AUTS2: variants seen among roughly 807,000 people sequenced by gnomAD.
AUTS2 encodes activator of transcription and developmental regulator AUTS2.
Under a neutral mutation model 112.4 loss-of-function variants are expected in AUTS2, and 17 were observed. The observed-to-expected ratio is 0.15, with a 90% confidence interval of 0.10 to 0.23. The LOEUF (loss-of-function observed/expected upper bound fraction) is 0.23, where lower values mean the gene tolerates loss of function less well. Among genes scored for constraint, AUTS2 ranks in the 10% least tolerant of loss-of-function variants. The pLI, the probability that AUTS2 is intolerant of heterozygous loss-of-function variation, is 1.00. For synonymous variants in AUTS2, 751 were observed against 702.7 expected, an observed-to-expected ratio of 1.07 and a Z score of -1.09; for missense variants, 1,510 against 1,701.6, an observed-to-expected ratio of 0.89 and a Z score of 1.98.
intron 2 of AUTS2, among the ~76,000 whole-genome samples, chr7:70,018,130 G>A (rs1257296033): frequency 6.6e-6 from 1 of 151,892 alleles, no homozygotes; most frequent in East Asian, 1.9e-4. Context: ...CACTTTAGTT[G>A]GCATATTTGA....
chr7:70,126,282 G>A (rs541789209), intron 3 of AUTS2, among the ~76,000 whole-genome samples: 1 of 152,222 alleles, frequency 6.6e-6, no homozygotes, highest in African/African-American at 2.4e-5. Flanking sequence ...TTAGCTGGAC[G>A]TGGTGGAGCA....
At chr7:70,392,676 A>T (rs563602156) in intron 4 of AUTS2, among the ~76,000 whole-genome samples, 1 of 152,206 alleles carries the variant, frequency 6.6e-6, no homozygotes, top group Non-Finnish European at 1.5e-5. Context: ...TTGAAAACCA[A>T]CTGATGCATA....
chr7:70,577,569 T>C (rs910261215), intron 5 of AUTS2, among the ~76,000 whole-genome samples: 1 of 152,186 alleles, frequency 6.6e-6, no homozygotes, highest in Non-Finnish European at 1.5e-5. Context: ...AGCTACTTAA[T>C]TGATAAATTG....
At chr7:69,820,241 CACTT>C (rs1790930801) in intron 1 of AUTS2, among the ~76,000 whole-genome samples, 1 of 152,212 alleles carries the variant, frequency 6.6e-6, no homozygotes, top group Admixed American at 6.5e-5. Context: ...AATCCCCCAA[CACTT>C]ACTCTCTGCC....
chr7:69,726,293 A>T (rs1786509909), intron 1 of AUTS2, among the ~76,000 whole-genome samples: 1 of 152,216 alleles, frequency 6.6e-6, no homozygotes, highest in South Asian at 2.1e-4. Context: ...ATGGAATTAT[A>T]CAAGTATGTG....
chr7:70,331,689 G>A (rs969358547), intron 4 of AUTS2, among the ~76,000 whole-genome samples: 3 of 151,948 alleles, frequency 2.0e-5, no homozygotes, highest in Non-Finnish European at 4.4e-5. Flanking sequence ...AAACATAATC[G>A]ATCATATAAA....
chr7:70,731,453 A>G (rs1787386148), intron 6 of AUTS2, among the ~76,000 whole-genome samples: 3 of 93,638 alleles, frequency 3.2e-5, no homozygotes, highest in African/African-American at 8.1e-5. Flanking sequence ...TTTTTGAGAC[A>G]GAGTCTCGCT....
intron 5 of AUTS2, among the ~76,000 whole-genome samples, chr7:70,668,639 T>G (rs1279803544): frequency 6.6e-6 from 1 of 152,242 alleles, no homozygotes; most frequent in African/African-American, 2.4e-5. Context: ...CCTCCCAGGC[T>G]GTCCCCAAGT....
intron 4 of AUTS2, among the ~76,000 whole-genome samples, chr7:70,270,396 T>C (rs1009399520): frequency 1.3e-5 from 2 of 152,074 alleles, no homozygotes; most frequent in Non-Finnish European, 2.9e-5. Flanking sequence ...CAAAGGTATG[T>C]GGAAAAATTG....
intron 2 of AUTS2, among the ~76,000 whole-genome samples, chr7:70,108,354 T>C (rs1402210850): frequency 6.6e-6 from 1 of 152,190 alleles, no homozygotes; most frequent in Non-Finnish European, 1.5e-5. Flanking sequence ...AGTAAATATA[T>C]GGGTTAGAGA....
At chr7:70,656,105 A>G (rs1317662494) in intron 5 of AUTS2, among the ~76,000 whole-genome samples, 2 of 151,846 alleles carry the variant, frequency 1.3e-5, no homozygotes, top group Non-Finnish European at 2.9e-5. Context: ...AATAATATTT[A>G]TATTTCCAGA....
chr7:70,644,528 C>T (rs1159466443), intron 5 of AUTS2, among the ~76,000 whole-genome samples: 1 of 152,186 alleles, frequency 6.6e-6, no homozygotes, highest in East Asian at 1.9e-4. Flanking sequence ...CATCGTCTCG[C>T]ACCCAGACTG....
chr7:69,651,691 A>G (rs1795294904), intron 1 of AUTS2, among the ~76,000 whole-genome samples: 1 of 152,232 alleles, frequency 6.6e-6, no homozygotes, highest in African/African-American at 2.4e-5. Context: ...CTGAATTGGG[A>G]CTAGAATCCA....
At chr7:70,284,898 C>T (rs928788428) in intron 4 of AUTS2, among the ~76,000 whole-genome samples, 24 of 152,328 alleles carry the variant, frequency 1.6e-4, no homozygotes, top group African/African-American at 5.5e-4. Flanking sequence ...AAACTCTAGA[C>T]TCCTTCCTGC....
chr7:69,689,802 C>T (rs1477660528), intron 1 of AUTS2, among the ~76,000 whole-genome samples: 2 of 150,822 alleles, frequency 1.3e-5, no homozygotes, highest in African/African-American at 4.9e-5. Context: ...CTCAGCCTCC[C>T]GAGTAGCTAG....
chr7:70,435,176 G>A (rs890497327), intron 4 of AUTS2, among the ~76,000 whole-genome samples: 4 of 152,120 alleles, frequency 2.6e-5, no homozygotes, highest in African/African-American at 9.7e-5. Flanking sequence ...TATTCTCTGG[G>A]CCTCTAAACC....
At chr7:70,579,246 A>AAAAAAAAAAAAAAAAAAAAAAG (rs1802322414) in intron 5 of AUTS2, among the ~76,000 whole-genome samples, 1 of 102,874 alleles carries the variant, frequency 9.7e-6, no homozygotes, top group Non-Finnish European at 2.3e-5. Context: ...CTCTTTTCTA[A>AAAAAAAAAAAAAAAAAAAAAAG]AAAAAAAAAA....
chr7:70,262,214 G>C (rs1787201713), intron 4 of AUTS2, among the ~76,000 whole-genome samples: 1 of 151,806 alleles, frequency 6.6e-6, no homozygotes, highest in East Asian at 1.9e-4. Flanking sequence ...TTCTGAGATG[G>C]AGTCTCGCTC....
intron 5 of AUTS2, among the ~76,000 whole-genome samples, chr7:70,618,137 T>C (rs10227138): frequency 0.53 from 80,996 of 152,074 alleles, 22,822 homozygotes; most frequent in African/African-American, 0.7. Context: ...TGTGCACACT[T>C]ACCAATTAAC....
Sources: allele counts gnomAD v4.1 joint callset (sites outside exome capture counted in the v4.1 genomes callset), GRCh38; gene constraint gnomAD v4.1.1; transcripts MANE v1.5; gene names NCBI Gene and HGNC (gene_info 2026-07-23, HGNC 2026-07-21).